Variants in ZSCAN5A observed in about 807,000 individuals in gnomAD.
ZSCAN5A encodes zinc finger and SCAN domain-containing protein 5A.
A neutral mutation model predicts 23.7 loss-of-function variants in ZSCAN5A; 12 were observed. That is an observed-to-expected ratio of 0.51 (90% CI 0.32 to 0.82). ZSCAN5A has a LOEUF of 0.82. Ranked by LOEUF, ZSCAN5A falls within the 40% of genes least tolerant of loss-of-function variation. The probability of loss-of-function intolerance (pLI) is 0.03; values close to 1 mark genes in which losing one functional copy is unlikely to be tolerated. For synonymous variants in ZSCAN5A, 257 were observed against 239.9 expected (o/e 1.07, Z -0.66); for missense variants, 597 against 617.9 (o/e 0.97, Z 0.36).
At chr19:56,288,513 C>T (rs2039290082) in intron 2 of ZSCAN5A, among the ~76,000 whole-genome samples, 1 of 152,166 alleles carries the variant, frequency 6.6e-6, no homozygotes, top group African/African-American at 2.4e-5. Context: ...CCCAACGATA[C>T]CCCACTTTTG....
chr19:56,278,808 C>G (rs59820036), intron 2 of ZSCAN5A, among the ~76,000 whole-genome samples: 61,540 of 151,948 alleles, frequency 0.41, 14,029 homozygotes, highest in Non-Finnish European at 0.51. Flanking sequence ...ATCCCAAAAG[C>G]TGGAGTACCT....
chr19:56,359,622 C>A (rs79878670), intron 2 of ZSCAN5A, among the ~76,000 whole-genome samples: 1 of 152,030 alleles, frequency 6.6e-6, no homozygotes, highest in Non-Finnish European at 1.5e-5. Flanking sequence ...AGATATACAA[C>A]AAAAAAATAA....
intron 2 of ZSCAN5A, among the ~76,000 whole-genome samples, chr19:56,363,018 A>G (rs1175576243): frequency 2.0e-5 from 3 of 152,210 alleles, no homozygotes; most frequent in Admixed American, 2.0e-4. Flanking sequence ...CTACTTCATA[A>G]AAGCATTTTC....
chr19:56,289,428 C>G (rs536168857), intron 2 of ZSCAN5A, among the ~76,000 whole-genome samples: 6 of 152,264 alleles, frequency 3.9e-5, no homozygotes, highest in African/African-American at 1.4e-4. Flanking sequence ...GATGGTGGAG[C>G]AGTCTCTTCG....
chr19:56,342,737 T>C lies in ZSCAN5A; in HGVS notation c.-358+20498A>G, dbSNP rs2041603609. ...CTCTGGATTATATCTGTGTCCTCCC[T>C]GATATTCATCATCCAAGGCCAACCA... On this transcript the variant is annotated intron_variant, in intron 2 of 6. Transcript: ENST00000587340. 4 of 679,804 alleles carry C rather than the reference T, an allele frequency of 5.9e-6. No individual in the cohort carries two copies. In the Admixed American group the frequency reaches 8.7e-5, roughly 15 times the overall value. 42.1% of individuals were successfully genotyped at this position (679,804 alleles called of 1,614,324 possible). A position where few individuals can be genotyped will look rare whatever the true frequency, so the allele number is the denominator to read the frequency against.
intron 2 of ZSCAN5A, among the ~76,000 whole-genome samples, chr19:56,329,241 TA>T (rs2041467425): frequency 6.6e-6 from 1 of 150,922 alleles, no homozygotes; most frequent in Non-Finnish European, 1.5e-5. Context: ...CACAGCTACT[TA>T]AGAGGCTGAG....
rs566696787 is a variant in ZSCAN5A, at chr19:56,222,073, A to G, written c.993T>C (p.Asn331=). The change falls in exon 6 of 6, where the codon AAT becomes AAC. Residue 331 remains asparagine (N), a synonymous_variant. Transcript: ENST00000683990. The part of the protein sequence containing the change: ...NRESPGQAGM[N]SIHSPGPASP... ...TCGCAGGGCCTGGGGAATGAATTGAATTCATCCCAGCTTGTCCCGGGGATT... is the reference window on the plus strand; with the variant it reads ...TCGCAGGGCCTGGGGAATGAATTGAGTTCATCCCAGCTTGTCCCGGGGATT... 1.2e-6 allele frequency: 2 copies of G among 1,614,128 alleles called. No individual in the cohort carries two copies. The highest frequency in any genetic ancestry group is 1.1e-5 in the South Asian group (1 of 91,086).
rs985336161 is a variant in ZSCAN5A, at chr19:56,356,292, A to C, written c.-358+6943T>G. ...CAAAGAGAGCAGCCACCTTTTAAACAATCAGTGGTGGGAATTACGTGATGC... is the reference window on the plus strand; with the variant it reads ...CAAAGAGAGCAGCCACCTTTTAAACCATCAGTGGTGGGAATTACGTGATGC... On this transcript the variant is annotated intron_variant, in intron 2 of 6. Transcript: ENST00000587340. Among the ~76,000 whole-genome samples, 3 of 148,768 alleles carry C rather than the reference A, an allele frequency of 2.0e-5. 1 individual carries two copies. The highest frequency in any genetic ancestry group is 4.5e-5 in the Non-Finnish European group (3 of 67,298).
chr19:56,226,204 G>A (rs1193194360), intron 2 of ZSCAN5A, among the ~76,000 whole-genome samples: 2 of 152,202 alleles, frequency 1.3e-5, no homozygotes, highest in Non-Finnish European at 2.9e-5. Flanking sequence ...TAGCCTGGAG[G>A]GCGAGTGCCC....
intron 2 of ZSCAN5A, chr19:56,281,711 T>C (rs2038720786): frequency 1.3e-5 from 13 of 985,260 alleles, no homozygotes; most frequent in Non-Finnish European, 1.6e-5. Context: ...AAGTCATATC[T>C]CCTTCTCCCT....
At chr19:56,311,625 T>G (rs2041041276) in intron 2 of ZSCAN5A, among the ~76,000 whole-genome samples, 2 of 152,174 alleles carry the variant, frequency 1.3e-5, no homozygotes, top group African/African-American at 2.4e-5. Flanking sequence ...TAAGAAACAG[T>G]CTACTGAGTT....
intron 2 of ZSCAN5A, among the ~76,000 whole-genome samples, chr19:56,269,567 A>G (rs2037702093): frequency 6.6e-6 from 1 of 152,196 alleles, no homozygotes; most frequent in African/African-American, 2.4e-5. Context: ...ATGTAATCAC[A>G]AAGGATCTTG....
At position 56,351,410 on chromosome 19, in the gene ZSCAN5A, G is replaced by A. The variant is rs1236395230; in HGVS notation, c.-358+11825C>T. Among the ~76,000 whole-genome samples, 4 of 152,048 alleles carry A rather than the reference G, an allele frequency of 2.6e-5. No homozygotes were observed. The highest frequency in any genetic ancestry group is 6.6e-5 in the Admixed American group (1 of 15,256). ...CATTTGCATATTAAAAGGCTATGGC[G>A]GGAGGGCCTGGTTTCTCCCAGGCTA... On this transcript the variant is annotated intron_variant, in intron 2 of 6. Transcript: ENST00000587340. This position sits in a 1 kb window ranked among gnomAD's most constrained non-coding sequence, Gnocchi z 4.8.
At chr19:56,322,309 C>T (rs1242580850) in intron 2 of ZSCAN5A, 1 of 955,472 alleles carries the variant, frequency 1.0e-6, no homozygotes, top group Non-Finnish European at 1.7e-6. Context: ...TTTGAAAGGC[C>T]ATTTCTTAGC....
At chr19:56,251,264 A>G (rs1016840353) in intron 2 of ZSCAN5A, among the ~76,000 whole-genome samples, 6 of 151,780 alleles carry the variant, frequency 4.0e-5, no homozygotes, top group African/African-American at 1.5e-4. Flanking sequence ...GCCTTTCTCC[A>G]TGATGTTTAA....
At chr19:56,234,811 T>G (rs10853886) in intron 2 of ZSCAN5A, among the ~76,000 whole-genome samples, 109,610 of 152,084 alleles carry the variant, frequency 0.72, 39,696 homozygotes, top group East Asian at 0.77. Context: ...TGCTCACTCG[T>G]GGAGCTCGGA....
chr19:56,246,147 AGGT>A (rs1241846118), intron 2 of ZSCAN5A, among the ~76,000 whole-genome samples: 1 of 152,152 alleles, frequency 6.6e-6, no homozygotes, highest in Admixed American at 6.5e-5. Context: ...CTCAGAAATG[AGGT>A]GGTGATGTTT....
intron 2 of ZSCAN5A, among the ~76,000 whole-genome samples, chr19:56,226,801 C>A (rs2033987681): frequency 6.6e-6 from 1 of 152,146 alleles, no homozygotes. Context: ...GAAAAACTAC[C>A]TATTGGGTAC....
At chr19:56,225,312 G>T in intron 2 of ZSCAN5A, 139 bp from the exon 3 acceptor site, 1 of 662,624 alleles carries the variant, frequency 1.5e-6, no homozygotes, top group Non-Finnish European at 2.1e-6. Flanking sequence ...GTCTATACCT[G>T]ACTACATACT....
Sources: gnomAD v4.1 joint callset for allele counts (sites outside exome capture counted in the v4.1 genomes callset) on GRCh38, gnomAD v4.1.1 for gene constraint, Gnocchi (gnomAD v3.1) non-coding constraint, MANE v1.5 for transcripts, NCBI Gene and HGNC (gene_info 2026-07-23, HGNC 2026-07-21) for gene names.